CDH10: variants seen among roughly 807,000 people sequenced by gnomAD.
CDH10 encodes cadherin-10.
In CDH10, 30 loss-of-function variants were observed where a neutral mutation model predicts 73.1. That is an observed-to-expected ratio of 0.41 (90% CI 0.31 to 0.56). CDH10 has a LOEUF of 0.56. CDH10 is among the 20% of genes least tolerant of loss of function. CDH10 has a pLI of 0.27. For missense variants in CDH10, 815 were observed against 973.7 expected (o/e 0.84, Z 2.17); for synonymous variants, 345 against 348.2 (o/e 0.99, Z 0.10).
intron 2 of CDH10, among the ~76,000 whole-genome samples, chr5:24,582,040 T>TATGAC (rs1745821903): frequency 6.6e-6 from 1 of 152,184 alleles, no homozygotes. Flanking sequence ...AGGAAAGTAC[T>TATGAC]ATGACAACTT....
At chr5:24,634,996 C>T (rs1387424527) in intron 1 of CDH10, among the ~76,000 whole-genome samples, 5 of 72,088 alleles carry the variant, frequency 6.9e-5, no homozygotes, top group Non-Finnish European at 1.7e-4. Flanking sequence ...ATAAATAGAG[C>T]CAAAAAAGGA....
chr5:24,603,025 C>A (rs1261560771), intron 1 of CDH10, among the ~76,000 whole-genome samples: 1 of 152,096 alleles, frequency 6.6e-6, no homozygotes, highest in Non-Finnish European at 1.5e-5. Context: ...ATTACAGTGG[C>A]TTTGTCTGAT....
intron 5 of CDH10, among the ~76,000 whole-genome samples, chr5:24,515,421 A>C (rs1743070592): frequency 6.6e-6 from 1 of 152,206 alleles, no homozygotes; most frequent in African/African-American, 2.4e-5. Context: ...ATAAAACCAG[A>C]CAGGAGAAGA....
At chr5:24,604,871 T>TCAAAAAAAAAAAAAAAAAAA (rs1453322652) in intron 1 of CDH10, among the ~76,000 whole-genome samples, 9 of 116,298 alleles carry the variant, frequency 7.7e-5, no homozygotes, top group East Asian at 2.4e-4. Context: ...AAGATGTCTC[T>TCAAAAAAAAAAAAAAAAAAA]AAAAAAAAAA....
intron 5 of CDH10, among the ~76,000 whole-genome samples, chr5:24,524,095 A>T (rs1743439221): frequency 6.6e-6 from 1 of 152,134 alleles, no homozygotes; most frequent in Admixed American, 6.6e-5. Context: ...TAATTCATTC[A>T]ACAAATTTAT....
intron 2 of CDH10, among the ~76,000 whole-genome samples, chr5:24,592,030 C>G (rs1746216866): frequency 6.6e-6 from 1 of 151,796 alleles, no homozygotes; most frequent in African/African-American, 2.4e-5. Context: ...TCAATAAGAT[C>G]TATGAAAAGC....
chr5:24,493,040 G>A (rs1742119682), intron 9 of CDH10, 115 bp from the exon 10 acceptor site: 1 of 609,080 alleles, frequency 1.6e-6, no homozygotes, highest in Non-Finnish European at 3.0e-6. Context: ...TTTATTTCAT[G>A]TGAATGTATC....
intron 5 of CDH10, among the ~76,000 whole-genome samples, chr5:24,516,460 C>T (rs939452670): frequency 4.4e-5 from 6 of 135,316 alleles, no homozygotes; most frequent in African/African-American, 1.6e-4. Flanking sequence ...CCACCATTTA[C>T]TAATAGTGAT....
intron 1 of CDH10, among the ~76,000 whole-genome samples, chr5:24,598,897 C>T (rs1239041699): frequency 1.3e-5 from 2 of 152,052 alleles, no homozygotes; most frequent in African/African-American, 4.8e-5. Context: ...ATTTGCAAAA[C>T]CAGATATCAA....
chr5:24,500,903 G>A (rs1345615590), intron 8 of CDH10, among the ~76,000 whole-genome samples: 1 of 150,122 alleles, frequency 6.7e-6, no homozygotes, highest in African/African-American at 2.5e-5. Flanking sequence ...ATGCATTTGA[G>A]AAGAAGTGGA....
chr5:24,640,157 G>A (rs1388000359), intron 1 of CDH10, among the ~76,000 whole-genome samples: 1 of 151,686 alleles, frequency 6.6e-6, no homozygotes, highest in East Asian at 1.9e-4. Context: ...AAGATTTACA[G>A]AAATATAACT....
intron 1 of CDH10, among the ~76,000 whole-genome samples, chr5:24,621,958 T>C (rs1747331925): frequency 6.6e-6 from 1 of 151,932 alleles, no homozygotes; most frequent in South Asian, 2.1e-4. Flanking sequence ...GTGCTGTGAG[T>C]CCTGAGAGAA....
At chr5:24,619,317 C>T (rs892272392) in intron 1 of CDH10, among the ~76,000 whole-genome samples, 1 of 152,140 alleles carries the variant, frequency 6.6e-6, no homozygotes, top group Non-Finnish European at 1.5e-5. Context: ...CCTCAGCCTC[C>T]CAAGTAGCTG....
At chr5:24,518,501 A>T (rs186250562) in intron 5 of CDH10, among the ~76,000 whole-genome samples, 104 of 152,260 alleles carry the variant, frequency 6.8e-4, no homozygotes, top group African/African-American at 2.4e-3. Context: ...GTATATATAC[A>T]TATGTGGATA....
intron 1 of CDH10, among the ~76,000 whole-genome samples, chr5:24,638,573 A>C (rs2112214771): frequency 6.6e-6 from 1 of 151,946 alleles, no homozygotes; most frequent in East Asian, 1.9e-4. Context: ...ATTTTCTGTA[A>C]GTTTCTACTC....
At chr5:24,564,810 C>G (rs1185997300) in intron 2 of CDH10, among the ~76,000 whole-genome samples, 3 of 152,164 alleles carry the variant, frequency 2.0e-5, no homozygotes, top group African/African-American at 7.2e-5. Context: ...TCTCCCATGT[C>G]TTCCACCTCT....
intron 1 of CDH10, among the ~76,000 whole-genome samples, chr5:24,623,145 TG>T (rs1241171127): frequency 2.6e-5 from 4 of 152,186 alleles, no homozygotes; most frequent in Non-Finnish European, 5.9e-5. Flanking sequence ...CTAGAGCTAC[TG>T]GATCAGAGCA....
chr5:24,611,525 T>C (rs1180431774), intron 1 of CDH10, among the ~76,000 whole-genome samples: 2 of 152,134 alleles, frequency 1.3e-5, no homozygotes, highest in African/African-American at 2.4e-5. Context: ...TCGAAAAATA[T>C]AGTTATAGTG....
chr5:24,593,637 A>C (rs1208980844), intron 1 of CDH10, 24 bp from the exon 2 acceptor site: 11 of 553,764 alleles, frequency 2.0e-5, no homozygotes, highest in Non-Finnish European at 2.6e-5. Flanking sequence ...AACAAACAAA[A>C]AAAGTTAGTT....
Sources: gnomAD v4.1 joint callset for allele counts (sites outside exome capture counted in the v4.1 genomes callset) on GRCh38, gnomAD v4.1.1 for gene constraint, MANE v1.5 for transcripts, NCBI Gene and HGNC (gene_info 2026-07-23, HGNC 2026-07-21) for gene names.